UBASH3A: variants seen among roughly 807,000 people sequenced by gnomAD.
UBASH3A encodes the protein ubiquitin associated and SH3 domain containing A, also known as ubiquitin-associated and SH3 domain-containing protein A.
Under a neutral mutation model 73.5 loss-of-function variants are expected in UBASH3A, and 63 were observed. The observed-to-expected ratio is 0.86, with a 90% CI of 0.70 to 1.06. UBASH3A has a LOEUF of 1.06. UBASH3A is among the 50% of genes least tolerant of loss of function. The probability of loss-of-function intolerance (pLI) is 0.00; values close to 1 mark genes in which losing one functional copy is unlikely to be tolerated. For synonymous variants in UBASH3A, 363 were observed against 351.1 expected, an observed-to-expected ratio of 1.03 and a Z score of -0.38; for missense variants, 860 against 859.0, an observed-to-expected ratio of 1.00 and a Z score of -0.02.
rs150959915 is a variant in UBASH3A at position 42,431,640 on chromosome 21, C to T, written c.1171-463C>T. ...TACCTGGGAGCCATAAAAGGACGGC[C>T]CCTCAACAGGTCAACACCAGGGCAG... On this transcript the variant is annotated intron_variant, in intron 8 of 14. Coordinates refer to ENST00000319294, the MANE Select transcript of UBASH3A (RefSeq NM_018961.4). Among the ~76,000 whole-genome samples, 942 of 152,282 alleles carry T rather than the reference C, an allele frequency of 6.2e-3. 7 individuals carry two copies. Among genetic ancestry groups the T allele is most frequent in the African/African-American group, 0.021 (893 of 41,546 alleles).
Position 42,403,921 on chromosome 21 carries a change from C to A in UBASH3A, c.-25C>A, listed in dbSNP as rs1251027177. 1.4e-6 allele frequency: 2 copies of A among 1,435,618 alleles called. No homozygotes were observed. The highest frequency in any genetic ancestry group is 1.4e-5 in the African/African-American group (1 of 69,096). 88.9% of individuals were successfully genotyped at this position (1,435,618 alleles called of 1,614,324 possible). The stretch of plus-strand genomic sequence containing the variant: ...CTCCTCATTTCTGTGTGCAGGCGAG[C>A]TTCTTGGCCTAAGGGCAGGAAGAGA... On this transcript the variant is annotated 5_prime_UTR_variant, in exon 1 of 15. Transcript: ENST00000319294.
Position 42,413,309 on chromosome 21 carries a change from A to G in UBASH3A, c.553+87A>G. The stretch of plus-strand genomic sequence containing the variant: ...GCAGGGACTAGCCCCCGGCACATGG[A>G]TGCAGTGGGTGGGTTCCAGGGGAGC... On this transcript the variant is annotated intron_variant, in intron 4 of 14. Transcript: ENST00000319294. This position sits in a 1 kb window ranked among gnomAD's most constrained non-coding sequence, Gnocchi z 4.5. 1.3e-6 allele frequency: 2 copies of G among 1,549,656 alleles called. No homozygotes were observed. Among genetic ancestry groups the G allele is most frequent in the Non-Finnish European group, 1.8e-6 (2 of 1,126,548 alleles).
chr21:42,442,700 G>T, intron 12 of UBASH3A, 104 bp downstream of exon 12: 3 of 1,272,100 alleles, frequency 2.4e-6, no homozygotes, highest in Non-Finnish European at 2.2e-6. Flanking sequence ...ATTCAAGAGG[G>T]ACCACTGCAG....
intron 7 of UBASH3A, among the ~76,000 whole-genome samples, chr21:42,419,803 T>G (rs7276555): frequency 6.6e-6 from 1 of 152,086 alleles, no homozygotes; most frequent in African/African-American, 2.4e-5. Flanking sequence ...CTGTGCTACA[T>G]TTTCAGTACA....
chr21:42,439,960 C>T (rs568080911), intron 11 of UBASH3A, among the ~76,000 whole-genome samples: 44 of 146,366 alleles, frequency 3.0e-4, no homozygotes, highest in Non-Finnish European at 5.6e-4. Context: ...CGACACACAC[C>T]ACACATCCAC....
chr21:42,421,120 T>C (rs2053330945), intron 7 of UBASH3A, among the ~76,000 whole-genome samples: 1 of 152,220 alleles, frequency 6.6e-6, no homozygotes, highest in Non-Finnish European at 1.5e-5. Flanking sequence ...TTTTTCACTC[T>C]CTTCTCCCAG....
At chr21:42,440,914 AAC>A (rs1430960519) in intron 11 of UBASH3A, among the ~76,000 whole-genome samples, 2 of 152,210 alleles carry the variant, frequency 1.3e-5, no homozygotes, top group African/African-American at 4.8e-5. Context: ...GTTCCTCATT[AAC>A]ACACTTATTC....
In UBASH3A at chr21:42,443,295, C is replaced by T. The variant is rs374122302; in HGVS notation, c.1632-17C>T. On this transcript the variant is annotated splice_polypyrimidine_tract_variant and intron_variant, in intron 12 of 14. Transcript: ENST00000319294. ...CGAAAGTGCCAGGGCAGCAGCCTCTCCTTCTCATCCTTCCAGGCCCGCGTT... is the reference window on the plus strand; with the variant it reads ...CGAAAGTGCCAGGGCAGCAGCCTCTTCTTCTCATCCTTCCAGGCCCGCGTT... The T allele has an allele frequency of 2.5e-6, 4 of 1,608,148 alleles. No individual in the cohort carries two copies. In the African/African-American group the frequency reaches 4.0e-5, roughly 16 times the overall value.
At chr21:42,418,811 G>T (rs1297049291) in intron 7 of UBASH3A, among the ~76,000 whole-genome samples, 1 of 152,192 alleles carries the variant, frequency 6.6e-6, no homozygotes, top group East Asian at 1.9e-4. Context: ...AAAAAAGAAT[G>T]AATTACTCTG....
chr21:42,427,477 G>A (rs1046234227), intron 8 of UBASH3A, among the ~76,000 whole-genome samples: 4 of 152,118 alleles, frequency 2.6e-5, no homozygotes, highest in Non-Finnish European at 5.9e-5. Context: ...TCCCAAATTC[G>A]TCCGCCTGTG....
At position 42,423,581 on chromosome 21, in the gene UBASH3A, C is replaced by G. The variant is rs767090615; in HGVS notation, c.1047-3116C>G. On this transcript the variant is annotated intron_variant, in intron 7 of 14. Transcript: ENST00000319294. ...TTTAGCATGTCCTTCGCTCTCTGCC[C>G]GGGATGGGAGAGTTTCACAGTCACA... Among the ~76,000 whole-genome samples, 3 of 152,258 alleles carry G rather than the reference C, an allele frequency of 2.0e-5. 1 individual carries two copies. The highest frequency in any genetic ancestry group is 1.9e-4 in the East Asian group (1 of 5,184).
intron 3 of UBASH3A, chr21:42,410,458 G>A: frequency 2.1e-6 from 1 of 470,282 alleles, no homozygotes; most frequent in Non-Finnish European, 3.7e-6. Context: ...AAGGAGGAAT[G>A]CAAACCTCTG....
intron 7 of UBASH3A, among the ~76,000 whole-genome samples, chr21:42,423,873 G>A (rs957242314): frequency 1.9e-4 from 29 of 152,118 alleles, no homozygotes; most frequent in African/African-American, 6.8e-4. Flanking sequence ...CATTGTGGCT[G>A]GGGGAGCATC....
At chr21:42,446,519 GAAAGA>G (rs2053846280) in intron 14 of UBASH3A, among the ~76,000 whole-genome samples, 1 of 152,322 alleles carries the variant, frequency 6.6e-6, no homozygotes, top group African/African-American at 2.4e-5. Flanking sequence ...AGGAAGGAAA[GAAAGA>G]AAAGAAAAGA....
At chr21:42,407,203 G>A (rs898342127) in intron 2 of UBASH3A, among the ~76,000 whole-genome samples, 1 of 152,114 alleles carries the variant, frequency 6.6e-6, no homozygotes, top group Non-Finnish European at 1.5e-5. Context: ...ATGTGCTGTG[G>A]GGAGTCCTTC....
chr21:42,438,329 A>G (rs546987646), intron 11 of UBASH3A, among the ~76,000 whole-genome samples: 11 of 152,282 alleles, frequency 7.2e-5, no homozygotes, highest in African/African-American at 2.6e-4. Context: ...AGACCTAGGA[A>G]GTAAGGCCAC....
chr21:42,438,106 C>A (rs1458276349), intron 11 of UBASH3A, among the ~76,000 whole-genome samples: 1 of 152,200 alleles, frequency 6.6e-6, no homozygotes, highest in Non-Finnish European at 1.5e-5. Context: ...GGCCTGGGCT[C>A]TGCCTTCAGC....
chr21:42,434,830 A>C lies in UBASH3A; in HGVS notation c.1271-2A>C. 6.2e-7 allele frequency: 1 copy of C among 1,612,580 alleles called. No individual in the cohort carries two copies. Among genetic ancestry groups the C allele is most frequent in the Non-Finnish European group, 8.5e-7 (1 of 1,179,316 alleles). On this transcript the variant is annotated splice_acceptor_variant, in intron 9 of 14. Coordinates refer to ENST00000319294, the MANE Select transcript of UBASH3A (RefSeq NM_018961.4). LOFTEE classifies it high-confidence loss of function. ...AACGTCTGATGCTTATTTATACTTC[A>C]GGGAAATACTACAGGCCAGACCTGA...
rs776020148 is a variant in UBASH3A at position 42,444,582 on chromosome 21, C to A, written c.1787C>A (p.Thr596Lys). 4.6e-5 allele frequency: 74 copies of A among 1,614,034 alleles called. No individual in the cohort carries two copies. The highest frequency in any genetic ancestry group is 6.0e-5 in the Non-Finnish European group (71 of 1,180,048). The change falls in exon 14 of 15, where the codon ACG becomes AAG. Residue 596 changes from threonine (T) to lysine (K), a missense_variant. By Grantham distance (78) the Thr-to-Lys change is moderately conservative (BLOSUM62 -1). Transcript: ENST00000319294. ...VSHGSTLDSC[T>K]RPLLGLPPRE... ...CACGGCTCCACTCTGGACTCCTGCA[C>A]GCGGCCACTGCTCGGGCTGCCGCCC...
Sources: allele counts gnomAD v4.1 joint callset (sites outside exome capture counted in the v4.1 genomes callset), GRCh38; gene constraint gnomAD v4.1.1; non-coding constraint Gnocchi (gnomAD v3.1); transcripts MANE v1.5; gene names NCBI Gene and HGNC (gene_info 2026-07-23, HGNC 2026-07-21).